The following RETREG1 variants were observed in gnomAD, a reference collection of about 807,000 sequenced individuals.
The protein encoded by RETREG1 is reticulophagy regulator 1, also known as family with sequence similarity 134 member B.
In RETREG1, 44 loss-of-function variants were observed where a neutral mutation model predicts 54.8. The observed-to-expected ratio is 0.80, with a 90% CI of 0.63 to 1.03. The LOEUF is 1.03. Among genes scored for constraint, RETREG1 ranks in the 50% least tolerant of loss-of-function variants. RETREG1 has a pLI of 0.00. For missense variants in RETREG1, 554 were observed against 605.1 expected, an observed-to-expected ratio of 0.92 and a Z score of 0.89; for synonymous variants, 217 against 238.5, an observed-to-expected ratio of 0.91 and a Z score of 0.83.
intron 3 of RETREG1, among the ~76,000 whole-genome samples, chr5:16,550,429 A>G (rs1036216296): frequency 6.6e-6 from 1 of 152,208 alleles, no homozygotes; most frequent in African/African-American, 2.4e-5. Context: ...ATCTGCAGTT[A>G]CTTAATGCTA....
chr5:16,566,437 A>C (rs887319581), intron 2 of RETREG1, among the ~76,000 whole-genome samples: 6 of 152,144 alleles, frequency 3.9e-5, no homozygotes, highest in Admixed American at 1.3e-4. Context: ...TTTCCAACCA[A>C]TGTCTTTATT....
intron 1 of RETREG1, among the ~76,000 whole-genome samples, chr5:16,587,496 T>C (rs961539403): frequency 9.9e-5 from 15 of 152,210 alleles, no homozygotes; most frequent in African/African-American, 2.7e-4. Flanking sequence ...AATCTCAATG[T>C]ACCAGACTGT....
At chr5:16,492,199 C>CCTCTCTCTCTCTCT (rs369038338) in intron 3 of RETREG1, among the ~76,000 whole-genome samples, 56 of 136,056 alleles carry the variant, frequency 4.1e-4, no homozygotes, top group African/African-American at 1.4e-3. Flanking sequence ...ACAGTGTTGT[C>CCTCTCTCTCTCTCT]CTCTCTCTCT....
chr5:16,596,675 G>C (rs574362959), intron 1 of RETREG1, among the ~76,000 whole-genome samples: 123 of 152,174 alleles, frequency 8.1e-4, no homozygotes, highest in African/African-American at 2.9e-3. Flanking sequence ...GGCCTGACAC[G>C]CACCCTCCAG....
rs1742152256 is a variant in RETREG1, at chr5:16,570,785, A to G, written c.427+1211T>C. On this transcript the variant is annotated intron_variant, in intron 2 of 8. Coordinates refer to ENST00000306320, the MANE Select transcript of RETREG1 (RefSeq NM_001034850.3). ...GATACGTGTGTGGTAAACAAGTATC[A>G]CAACAAGTGCCTGTTTGGGCTGAAA... is the stretch of plus-strand genomic sequence containing the variant. Among the ~76,000 whole-genome samples, 3 of 152,180 alleles carry G rather than the reference A, an allele frequency of 2.0e-5. No homozygotes were observed. The South Asian group carries it at 6.2e-4, about 32-fold the overall frequency.
chr5:16,509,022 C>T, intron 3 of RETREG1: 1 of 994,422 alleles, frequency 1.0e-6, no homozygotes, highest in African/African-American at 1.8e-5. Flanking sequence ...CCCGCCTGCC[C>T]TTTTTCTTCC....
rs1741988964 is a variant in RETREG1, at chr5:16,565,768, A to G, written c.453T>C (p.Ser151=). The change falls in exon 3 of 9, where the codon AGT becomes AGC. Residue 151 remains serine (S), a synonymous_variant. Transcript: ENST00000306320. ...TRGAQLWRSL[S]ESWEVINSKP... Reference sequence around the variant, plus strand: ...ACGGAAAGAAAGTTCCCTACCTTTCACTGAGGCTTCTCCACAACTGTGCAC... The same window carrying G: ...ACGGAAAGAAAGTTCCCTACCTTTCGCTGAGGCTTCTCCACAACTGTGCAC... The G allele has an allele frequency of 6.2e-7, 1 of 1,613,914 alleles. No homozygotes were observed. The highest frequency in any genetic ancestry group is 1.7e-5 in the Admixed American group (1 of 59,992).
chr5:16,614,001 AAG>A lies in RETREG1; in HGVS notation c.320+2649_320+2650del, dbSNP rs1743421482. Among the ~76,000 whole-genome samples the A allele has an allele frequency of 2.0e-5, 3 of 152,366 alleles. No homozygotes were observed. In the South Asian group the frequency reaches 6.2e-4, roughly 32 times the overall value. The stretch of plus-strand genomic sequence containing the variant: ...AAAGCAACAAGTAATTCTGAACTTA[AAG>A]AACAGGACAGTCATTTTTGTCAAAG... On this transcript the variant is annotated intron_variant, in intron 1 of 8. Coordinates refer to ENST00000306320, the MANE Select transcript of RETREG1 (RefSeq NM_001034850.3).
At chr5:16,591,505 A>G (rs780596970) in intron 1 of RETREG1, among the ~76,000 whole-genome samples, 3 of 148,622 alleles carry the variant, frequency 2.0e-5, no homozygotes, top group African/African-American at 4.9e-5. Flanking sequence ...AAAAGGAGCT[A>G]TAACAGGAGG....
At chr5:16,486,921 C>T (rs1357799277) in intron 3 of RETREG1, among the ~76,000 whole-genome samples, 1 of 152,192 alleles carries the variant, frequency 6.6e-6, no homozygotes, top group East Asian at 1.9e-4. Flanking sequence ...TGCACACACA[C>T]ACATACACAC....
At chr5:16,504,661 A>T (rs1036083215) in intron 3 of RETREG1, among the ~76,000 whole-genome samples, 67 of 152,290 alleles carry the variant, frequency 4.4e-4, no homozygotes, top group African/African-American at 1.5e-3. Context: ...ATATGTACGT[A>T]TCTAACTGCA....
chr5:16,558,069 AGAAAT>A (rs1389308868), intron 3 of RETREG1, among the ~76,000 whole-genome samples: 1 of 152,098 alleles, frequency 6.6e-6, no homozygotes, highest in Non-Finnish European at 1.5e-5. Context: ...AATTTTAAAA[AGAAAT>A]AAGAAAAAAA....
In RETREG1 at chr5:16,494,328, T is replaced by C. The variant is rs149372078; in HGVS notation, c.459-10856A>G. Among the ~76,000 whole-genome samples the C allele has an allele frequency of 4.6e-3, 700 of 152,020 alleles. 7 individuals carry two copies. The highest frequency in any genetic ancestry group is 0.016 in the African/African-American group (648 of 41,452). On this transcript the variant is annotated intron_variant, in intron 3 of 8. Transcript: ENST00000306320. ...GGGATTATAGATGACACAAAAAAAA[T>C]GGTAGAAAGTTAATGACATGGTTTG...
chr5:16,493,254 A>AC (rs1346656333), intron 3 of RETREG1, among the ~76,000 whole-genome samples: 2 of 152,218 alleles, frequency 1.3e-5, no homozygotes, highest in Non-Finnish European at 2.9e-5. Flanking sequence ...ACTACCCATC[A>AC]TAGTATTTAT....
chr5:16,601,865 G>A (rs779665139), intron 1 of RETREG1, among the ~76,000 whole-genome samples: 11 of 152,170 alleles, frequency 7.2e-5, no homozygotes, highest in Non-Finnish European at 1.6e-4. Context: ...CTTCCAGGGA[G>A]AAAAACCAGG....
chr5:16,591,006 T>C (rs1742758221), intron 1 of RETREG1, among the ~76,000 whole-genome samples: 1 of 152,158 alleles, frequency 6.6e-6, no homozygotes, highest in African/African-American at 2.4e-5. Flanking sequence ...TTATTTCTAT[T>C]ACACCTCAGT....
At chr5:16,485,983 T>C (rs1739003809) in intron 3 of RETREG1, among the ~76,000 whole-genome samples, 1 of 152,184 alleles carries the variant, frequency 6.6e-6, no homozygotes. Context: ...CTATCTTCCA[T>C]AGTCATAAGA....
At chr5:16,607,228 A>G (rs12520596) in intron 1 of RETREG1, among the ~76,000 whole-genome samples, 21,332 of 151,876 alleles carry the variant, frequency 0.14, 1,703 homozygotes, top group African/African-American at 0.22. Flanking sequence ...TTTTTTTACC[A>G]CTTTCACCAC....
chr5:16,553,728 A>AT (rs1227451187), intron 3 of RETREG1, among the ~76,000 whole-genome samples: 2 of 152,102 alleles, frequency 1.3e-5, no homozygotes, highest in Admixed American at 6.5e-5. Context: ...ATCAGTCCTG[A>AT]TTGGATAATA....
Sources: allele counts gnomAD v4.1 joint callset (sites outside exome capture counted in the v4.1 genomes callset), GRCh38; gene constraint gnomAD v4.1.1; transcripts MANE v1.5; gene names NCBI Gene and HGNC (gene_info 2026-07-23, HGNC 2026-07-21).